NXN: variants seen among roughly 807,000 people sequenced by gnomAD.
The protein encoded by NXN is nucleoredoxin 1.
A neutral mutation model predicts 48.6 loss-of-function variants in NXN; 16 were observed. That is an observed-to-expected ratio of 0.33 (90% CI 0.22 to 0.50). The LOEUF (loss-of-function observed/expected upper bound fraction) is 0.50, where lower values mean the gene tolerates loss of function less well. Ranked by LOEUF, NXN falls within the 20% of genes least tolerant of loss-of-function variation. The pLI, the probability that NXN is intolerant of heterozygous loss-of-function variation, is 0.98. For synonymous variants in NXN, 281 were observed against 269.6 expected (o/e 1.04, Z -0.41); for missense variants, 492 against 605.5 (o/e 0.81, Z 1.97).
At chr17:915,009 A>T (rs1364921499) in intron 1 of NXN, among the ~76,000 whole-genome samples, 1 of 150,992 alleles carries the variant, frequency 6.6e-6, no homozygotes, top group Non-Finnish European at 1.5e-5. Context: ...ATCTCGGCTC[A>T]CTCCAACTTC....
At chr17:811,566 G>A (rs1054688382) in intron 5 of NXN, among the ~76,000 whole-genome samples, 2 of 152,150 alleles carry the variant, frequency 1.3e-5, no homozygotes, top group Non-Finnish European at 2.9e-5. Flanking sequence ...GAGGTGGGGG[G>A]ACGCCAAATG....
At chr17:802,743 C>T in intron 7 of NXN, among the ~76,000 whole-genome samples, 1 of 152,324 alleles carries the variant, frequency 6.6e-6, no homozygotes, top group Admixed American at 6.5e-5. Context: ...GGGAAGGACC[C>T]AGGTGCTGGG....
chr17:895,867 C>T (rs2068478708), intron 1 of NXN, among the ~76,000 whole-genome samples: 1 of 151,848 alleles, frequency 6.6e-6, no homozygotes, highest in Non-Finnish European at 1.5e-5. Context: ...TTCTTCTCAA[C>T]AATGTAGTAT....
intron 1 of NXN, among the ~76,000 whole-genome samples, chr17:853,702 C>CACAT (rs1269027449): frequency 9.2e-5 from 11 of 119,304 alleles, no homozygotes; most frequent in African/African-American, 4.0e-4. Context: ...CTGTTATACA[C>CACAT]ATATATATAT....
chr17:823,810 G>A (rs1438218744), intron 2 of NXN, 45 bp from the exon 3 acceptor site: 1 of 1,609,984 alleles, frequency 6.2e-7, no homozygotes, highest in Non-Finnish European at 8.5e-7. Context: ...GACCCTTCTT[G>A]ATGACCTGGG....
Position 847,878 on chromosome 17 carries a change from A to G in NXN, c.361-21800T>C, listed in dbSNP as rs141675036. Reference sequence around the variant, plus strand: ...TATGCATCCAAGTGATTGATGTAGAATAAGAAAAAACAGCTACAAGCCCAA... The same window carrying G: ...TATGCATCCAAGTGATTGATGTAGAGTAAGAAAAAACAGCTACAAGCCCAA... On this transcript the variant is annotated intron_variant, in intron 1 of 7. Transcript: ENST00000336868. Among the ~76,000 whole-genome samples, 188 of 152,324 alleles carry G rather than the reference A, an allele frequency of 1.2e-3. 1 individual carries two copies. Among genetic ancestry groups the G allele is most frequent in the East Asian group, 7.9e-3 (41 of 5,188 alleles).
In NXN at chr17:916,281, G is replaced by A. The variant is rs573042460; in HGVS notation, c.360+63038C>T. ...AGGAGTGAGGTGCTGTGAGGTTCCC[G>A]TGGTGCAGGATCCATTTTATCCTTT... On this transcript the variant is annotated intron_variant, in intron 1 of 7. Coordinates refer to ENST00000336868, the MANE Select transcript of NXN (RefSeq NM_022463.5). Among the ~76,000 whole-genome samples, 87 of 152,236 alleles carry A rather than the reference G, an allele frequency of 5.7e-4. 2 individuals are homozygous for A. In the South Asian group the frequency reaches 0.017, roughly 30 times the overall value.
At chr17:855,539 G>A (rs1201593453) in intron 1 of NXN, among the ~76,000 whole-genome samples, 2 of 152,118 alleles carry the variant, frequency 1.3e-5, no homozygotes, top group East Asian at 1.9e-4. Context: ...CAGGTTTGTT[G>A]AAAAGTTTTG....
In NXN at chr17:840,094, C is replaced by CAA. The variant is rs202070104; in HGVS notation, c.361-14018_361-14017dup. Reference sequence around the variant, plus strand: ...CGTGGGCGACAGAGCGAGACTGTCTCAAAAAAAAAAAAAAGAGAGAGAGAG... The same window carrying CAA: ...CGTGGGCGACAGAGCGAGACTGTCTCAAAAAAAAAAAAAAAAGAGAGAGAGAG... On this transcript the variant is annotated intron_variant, in intron 1 of 7. Coordinates refer to ENST00000336868, the MANE Select transcript of NXN (RefSeq NM_022463.5). 8.8e-3 allele frequency among the ~76,000 whole-genome samples: 1,130 copies of CAA among 128,106 alleles called. 9 individuals carry two copies. Among genetic ancestry groups the CAA allele is most frequent in the East Asian group, 0.035 (140 of 3,994 alleles). The allele number at this position is 128,106 out of a possible 152,430, so 84.0% of individuals were successfully genotyped here.
At chr17:812,339 C>T (rs182682816) in intron 5 of NXN, among the ~76,000 whole-genome samples, 1 of 152,296 alleles carries the variant, frequency 6.6e-6, no homozygotes, top group African/African-American at 2.4e-5. Flanking sequence ...AAAGACAGGC[C>T]AGGTGGAGGC....
chr17:902,522 C>A (rs11652999), intron 1 of NXN, among the ~76,000 whole-genome samples: 3 of 151,942 alleles, frequency 2.0e-5, no homozygotes, highest in East Asian at 1.9e-4. Context: ...TCCCCTCCCC[C>A]AAAAGGTGAG....
chr17:832,846 C>A (rs772352357), intron 1 of NXN, among the ~76,000 whole-genome samples: 1 of 152,056 alleles, frequency 6.6e-6, no homozygotes, highest in Non-Finnish European at 1.5e-5. Context: ...TAAAGGCCCA[C>A]GCTGGGTTAG....
intron 1 of NXN, among the ~76,000 whole-genome samples, chr17:898,077 C>T (rs2068506436): frequency 6.6e-6 from 1 of 152,204 alleles, no homozygotes; most frequent in African/African-American, 2.4e-5. Flanking sequence ...AGTAACTACC[C>T]ACCTACTGCT....
Position 837,674 on chromosome 17 carries a change from TC to T in NXN, c.361-11597del, listed in dbSNP as rs1436992348. 4.6e-5 allele frequency among the ~76,000 whole-genome samples: 7 copies of T among 152,298 alleles called. No individual in the cohort carries two copies. In the East Asian group the frequency reaches 1.4e-3, roughly 29 times the overall value. On this transcript the variant is annotated intron_variant, in intron 1 of 7. Coordinates refer to ENST00000336868, the MANE Select transcript of NXN (RefSeq NM_022463.5). ...CCAGCGCTGGTGGGATCAGAGCTTC[TC>T]TCGCTTTGCCCGATGGTGCCTTAGA...
chr17:884,066 A>C (rs11652790), intron 1 of NXN, among the ~76,000 whole-genome samples: 58,305 of 151,614 alleles, frequency 0.38, 13,379 homozygotes, highest in East Asian at 0.6. Context: ...AAAAAAATAC[A>C]AAAAGTTAGC....
chr17:868,787 C>T (rs920589890), intron 1 of NXN, among the ~76,000 whole-genome samples: 13 of 152,206 alleles, frequency 8.5e-5, no homozygotes, highest in Non-Finnish European at 1.6e-4. Context: ...CCACCGCACC[C>T]GGTCGAAACT....
At chr17:946,875 G>A (rs2069049857) in intron 1 of NXN, among the ~76,000 whole-genome samples, 1 of 152,230 alleles carries the variant, frequency 6.6e-6, no homozygotes. Flanking sequence ...TGCAGTCCCT[G>A]GCACGGGGAG....
intron 1 of NXN, among the ~76,000 whole-genome samples, chr17:843,995 T>C (rs2067830311): frequency 6.6e-6 from 1 of 152,220 alleles, no homozygotes. Context: ...CCTGTCGCTT[T>C]GGGGAATCTG....
chr17:852,973 G>C (rs1158599144), intron 1 of NXN, among the ~76,000 whole-genome samples: 2 of 151,852 alleles, frequency 1.3e-5, no homozygotes, highest in Admixed American at 1.3e-4. Flanking sequence ...GACCTAAAGT[G>C]TAAATTTTTT....
Sources: allele counts gnomAD v4.1 joint callset (sites outside exome capture counted in the v4.1 genomes callset), GRCh38; gene constraint gnomAD v4.1.1; transcripts MANE v1.5; gene names NCBI Gene and HGNC (gene_info 2026-07-23, HGNC 2026-07-21).